The following XCR1 variants were observed in gnomAD, a reference collection of about 807,000 sequenced individuals.
The protein encoded by XCR1 is chemokine XC receptor 1.
For missense variants in XCR1, 356 were observed against 424.2 expected, an observed-to-expected ratio of 0.84 and a Z score of 1.41; for synonymous variants, 187 against 188.5, an observed-to-expected ratio of 0.99 and a Z score of 0.06.
At chr3:46,062,020 A>T (rs538337995) in intron 4 of XCR1, among the ~76,000 whole-genome samples, 1 of 152,306 alleles carries the variant, frequency 6.6e-6, no homozygotes, top group South Asian at 2.1e-4. Flanking sequence ...AGGGAGTGCC[A>T]TAAGCTTTTG....
intron 2 of XCR1, among the ~76,000 whole-genome samples, chr3:46,076,218 A>C (rs1219808557): frequency 6.6e-6 from 1 of 152,188 alleles, no homozygotes; most frequent in Admixed American, 6.5e-5. Flanking sequence ...GTGGTCCTAC[A>C]ATTTAGGCAA....
chr3:46,058,420 G>T (rs1697895161), intron 4 of XCR1, among the ~76,000 whole-genome samples: 1 of 152,154 alleles, frequency 6.6e-6, no homozygotes, highest in Non-Finnish European at 1.5e-5. Flanking sequence ...AAGCTTCTAT[G>T]TCTGTCCTTA....
intron 1 of XCR1, among the ~76,000 whole-genome samples, chr3:46,077,290 A>C (rs1242718487): frequency 6.6e-6 from 1 of 152,158 alleles, no homozygotes; most frequent in African/African-American, 2.4e-5. Context: ...TCCTCCTGTC[A>C]GATCAGCAGC....
At chr3:46,040,517 A>G (rs1697522105) in intron 5 of XCR1, among the ~76,000 whole-genome samples, 1 of 152,172 alleles carries the variant, frequency 6.6e-6, no homozygotes, top group Non-Finnish European at 1.5e-5. Context: ...TTTGGGTTAT[A>G]GTTATATAGA....
intron 1 of XCR1, among the ~76,000 whole-genome samples, chr3:46,083,168 A>G (rs983451906): frequency 6.6e-6 from 1 of 152,242 alleles, no homozygotes; most frequent in East Asian, 1.9e-4. Flanking sequence ...GAAAATCCAA[A>G]GAAAACAGCC....
intron 4 of XCR1, among the ~76,000 whole-genome samples, chr3:46,064,115 C>T (rs1324984173): frequency 6.6e-6 from 1 of 152,192 alleles, no homozygotes; most frequent in Non-Finnish European, 1.5e-5. Flanking sequence ...TCAAGTGATC[C>T]TCCCACCTTG....
At chr3:46,043,511 G>T (rs1050228237) in intron 5 of XCR1, among the ~76,000 whole-genome samples, 1 of 151,910 alleles carries the variant, frequency 6.6e-6, no homozygotes, top group Non-Finnish European at 1.5e-5. Context: ...GTCCATATAT[G>T]AAAAACCAAC....
upstream of XCR1, among the ~76,000 whole-genome samples, chr3:46,032,324 C>T (rs565722365): frequency 2.0e-4 from 31 of 152,330 alleles, no homozygotes; most frequent in African/African-American, 6.5e-4. Flanking sequence ...CATTCCCTTA[C>T]GCTAGCAGGG....
chr3:46,052,027 A>AAAAAAC (rs142872062), intron 5 of XCR1, among the ~76,000 whole-genome samples: 59,574 of 119,390 alleles, frequency 0.5, 12,305 homozygotes, highest in East Asian at 0.73. Context: ...CTCCATCTCA[A>AAAAAAC]AAAAACAAAA....
chr3:46,038,339 C>CT (rs1036778047), intron 5 of XCR1, among the ~76,000 whole-genome samples: 9 of 151,970 alleles, frequency 5.9e-5, no homozygotes, highest in Non-Finnish European at 1.3e-4. Flanking sequence ...TTTTTAACCT[C>CT]TAGGTAACAC....
chr3:46,071,522 A>G (rs1698163712), intron 3 of XCR1, among the ~76,000 whole-genome samples: 1 of 152,194 alleles, frequency 6.6e-6, no homozygotes, highest in Non-Finnish European at 1.5e-5. Flanking sequence ...AAAACTACAG[A>G]GCAACATTCC....
intron 4 of XCR1, among the ~76,000 whole-genome samples, chr3:46,066,522 C>T (rs544531398): frequency 6.6e-5 from 10 of 152,296 alleles, no homozygotes; most frequent in Admixed American, 6.5e-5. Flanking sequence ...CAATTATAGG[C>T]GTCGGCCATC....
Position 46,076,034 on chromosome 3 carries a change from T to C in XCR1, c.-328+706A>G, listed in dbSNP as rs533243813. 6.6e-5 allele frequency among the ~76,000 whole-genome samples: 10 copies of C among 152,304 alleles called. No individual in the cohort carries two copies. In the East Asian group the frequency reaches 1.3e-3, roughly 21 times the overall value. ...AAAACCAAGCACGCACCATATGTGT[T>C]AGTCAGGGTTCTCCAGGAAAAAGAG... On this transcript the variant is annotated intron_variant, in intron 2 of 5. Coordinates refer to the XCR1 transcript ENST00000683768.
At chr3:46,052,415 A>G (rs916452730) in intron 5 of XCR1, among the ~76,000 whole-genome samples, 5 of 152,154 alleles carry the variant, frequency 3.3e-5, no homozygotes, top group African/African-American at 1.2e-4. Flanking sequence ...TTTGAGTGGC[A>G]CTGATTAGCC....
Position 46,023,838 on chromosome 3 carries a change from TGTGGAATTCC to T in XCR1, c.-31-1870_-31-1861del. 2.0e-6 allele frequency: 3 copies of T among 1,524,654 alleles called. 1 individual carries two copies. The South Asian group carries it at 3.4e-5, about 17-fold the overall frequency. 94.4% of individuals were successfully genotyped at this position (1,524,654 alleles called of 1,614,324 possible). A position where few individuals can be genotyped will look rare whatever the true frequency, so the allele number is the denominator to read the frequency against. The stretch of plus-strand genomic sequence containing the variant: ...CCAAAATTGCAGATTTGAAGAGACG[TGTGGAATTCC>T]TTGTGGCTGAGAATGAAAGATTAAG... On this transcript the variant is annotated intron_variant, in intron 1 of 1. Coordinates refer to ENST00000309285, the MANE Select transcript of XCR1 (RefSeq NM_001024644.2).
intron 2 of XCR1, among the ~76,000 whole-genome samples, chr3:46,075,374 C>T (rs369524675): frequency 1.6e-4 from 23 of 148,316 alleles, no homozygotes; most frequent in African/African-American, 5.7e-4. Flanking sequence ...AACCTTTGAC[C>T]TTATACACAA....
intron 5 of XCR1, among the ~76,000 whole-genome samples, chr3:46,035,202 C>T (rs563260502): frequency 6.6e-6 from 1 of 152,250 alleles, no homozygotes; most frequent in African/African-American, 2.4e-5. Context: ...ATCTGCCCAC[C>T]TAGGCCTCCC....
chr3:46,023,377 G>A lies in XCR1; in HGVS notation c.-31-1399C>T. ...CCGTTTATTAGCTGCAGGCAAATAC[G>A]AAGAGGCGATTTCTTGTCACAAAAA... On this transcript the variant is annotated intron_variant, in intron 1 of 1. Coordinates refer to ENST00000309285, the MANE Select transcript of XCR1 (RefSeq NM_001024644.2). The A allele has an allele frequency of 4.2e-6, 6 of 1,444,936 alleles. No individual in the cohort carries two copies. In the South Asian group the frequency reaches 4.6e-5, roughly 11 times the overall value. 89.5% of individuals were successfully genotyped at this position (1,444,936 alleles called of 1,614,324 possible).
chr3:46,050,003 G>A (rs906683335), intron 5 of XCR1, among the ~76,000 whole-genome samples: 4 of 152,184 alleles, frequency 2.6e-5, no homozygotes, highest in African/African-American at 9.7e-5. Flanking sequence ...CACAATTTGT[G>A]TAATTAAAGA....
Sources: gnomAD v4.1 joint callset for allele counts (sites outside exome capture counted in the v4.1 genomes callset) on GRCh38, gnomAD v4.1.1 for gene constraint, MANE v1.5 for transcripts, NCBI Gene and HGNC (gene_info 2026-07-23, HGNC 2026-07-21) for gene names.